PAQR5: variants seen among roughly 807,000 people sequenced by gnomAD.
The protein encoded by PAQR5 is progestin and adipoQ receptor family member 5, also known as membrane progestin receptor gamma.
Under a neutral mutation model 34.5 loss-of-function variants are expected in PAQR5, and 20 were observed. That is an observed-to-expected ratio of 0.58 (90% CI 0.41 to 0.84). The LOEUF is 0.84. Among genes scored for constraint, PAQR5 ranks in the 40% least tolerant of loss-of-function variants. The pLI is 0.00. For synonymous variants in PAQR5, 131 were observed against 155.6 expected (o/e 0.84, Z 1.18); for missense variants, 378 against 412.7 (o/e 0.92, Z 0.73).
intron 2 of PAQR5, among the ~76,000 whole-genome samples, chr15:69,348,572 G>A (rs1309391280): frequency 2.0e-5 from 3 of 152,158 alleles, no homozygotes. Context: ...GTTTGCATGT[G>A]TTAGTTGGGT....
At chr15:69,338,534 TA>T (rs984658474) in intron 2 of PAQR5, among the ~76,000 whole-genome samples, 2 of 152,182 alleles carry the variant, frequency 1.3e-5, no homozygotes, top group Non-Finnish European at 2.9e-5. Context: ...CTCAGACAGT[TA>T]GAAAGCGGTT....
At chr15:69,379,784 G>T in intron 3 of PAQR5, 99 bp from the exon 4 acceptor site, 2 of 1,443,426 alleles carry the variant, frequency 1.4e-6, no homozygotes, top group Non-Finnish European at 1.9e-6. Context: ...GGGGTCAAGC[G>T]TTCCAGGCAC....
chr15:69,380,908 C>T (rs2140919401), intron 4 of PAQR5, among the ~76,000 whole-genome samples: 2 of 152,274 alleles, frequency 1.3e-5, no homozygotes, highest in Middle Eastern at 3.4e-3. Flanking sequence ...AGGAGTGTGC[C>T]ATGAGTGGAG....
At chr15:69,372,118 T>C (rs2055578869) in intron 3 of PAQR5, among the ~76,000 whole-genome samples, 1 of 152,214 alleles carries the variant, frequency 6.6e-6, no homozygotes, top group African/African-American at 2.4e-5. Flanking sequence ...ATTGACAGCC[T>C]AATCAATTTT....
At chr15:69,322,826 A>AGAG (rs2054158138) in intron 1 of PAQR5, among the ~76,000 whole-genome samples, 1 of 144,782 alleles carries the variant, frequency 6.9e-6, no homozygotes, top group Non-Finnish European at 1.5e-5. Flanking sequence ...AAGAAGAAGA[A>AGAG]GAAGAAGAAG....
chr15:69,343,371 A>T (rs983642507), intron 2 of PAQR5, among the ~76,000 whole-genome samples: 4 of 152,188 alleles, frequency 2.6e-5, no homozygotes, highest in Admixed American at 2.6e-4. Context: ...CCCAGTGAAT[A>T]CTTATTTGGG....
At chr15:69,346,916 A>G (rs972079125) in intron 2 of PAQR5, among the ~76,000 whole-genome samples, 2 of 152,018 alleles carry the variant, frequency 1.3e-5, no homozygotes, top group Non-Finnish European at 2.9e-5. Context: ...TCCTGGATTC[A>G]AGCAATTCTC....
intron 6 of PAQR5, among the ~76,000 whole-genome samples, chr15:69,390,515 A>G (rs1255663507): frequency 6.6e-6 from 1 of 152,030 alleles, no homozygotes; most frequent in Non-Finnish European, 1.5e-5. Context: ...TTGATTCGGT[A>G]CAAGGCTTTA....
At chr15:69,305,078 A>ATTGAC in intron 1 of PAQR5, among the ~76,000 whole-genome samples, 1 of 152,222 alleles carries the variant, frequency 6.6e-6, no homozygotes, top group Admixed American at 6.5e-5. Context: ...CCTCAGCACT[A>ATTGAC]TTGACTTTCG....
chr15:69,309,014 A>C (rs2053775796), intron 1 of PAQR5, among the ~76,000 whole-genome samples: 1 of 152,156 alleles, frequency 6.6e-6, no homozygotes, highest in Non-Finnish European at 1.5e-5. Context: ...AAGCTGGTGA[A>C]TTACATTTGG....
Position 69,407,537 on chromosome 15 carries a change from G to A in PAQR5, c.*3715G>A, listed in dbSNP as rs1173905045. 1 of 152,134 alleles carries A rather than the reference G, an allele frequency of 6.6e-6. No individual in the cohort carries two copies. Among genetic ancestry groups the A allele is most frequent in the Non-Finnish European group, 1.5e-5 (1 of 68,028 alleles). The allele number at this position is 152,134 out of a possible 1,614,324, so 9.4% of individuals were successfully genotyped here. On this transcript the variant is annotated 3_prime_UTR_variant, in exon 9 of 9. Coordinates refer to ENST00000395407, the MANE Select transcript of PAQR5 (RefSeq NM_017705.4). ...ATTTTCTAGTCAACAATCCATTAAG[G>A]CAAAGACCTGTTTCCAAACTCAGAT...
At chr15:69,361,076 G>T (rs2055219216) in intron 3 of PAQR5, among the ~76,000 whole-genome samples, 1 of 152,190 alleles carries the variant, frequency 6.6e-6, no homozygotes, top group Non-Finnish European at 1.5e-5. Context: ...GAGGAATGTG[G>T]CAAGTAATAG....
At chr15:69,329,394 T>C (rs182390132) in intron 1 of PAQR5, among the ~76,000 whole-genome samples, 83 of 151,678 alleles carry the variant, frequency 5.5e-4, no homozygotes, top group African/African-American at 1.9e-3. Flanking sequence ...AGAATATAAA[T>C]GTATTGACAA....
At chr15:69,401,256 G>A (rs547232163) in intron 8 of PAQR5, among the ~76,000 whole-genome samples, 13 of 152,274 alleles carry the variant, frequency 8.5e-5, no homozygotes, top group East Asian at 5.8e-4. Context: ...GCCAGTCATT[G>A]TCCCCACCAG....
chr15:69,390,356 A>T (rs61217614), intron 6 of PAQR5, among the ~76,000 whole-genome samples: 52,752 of 131,538 alleles, frequency 0.4, 12,449 homozygotes, highest in Non-Finnish European at 0.52. Flanking sequence ...TTATTTATTT[A>T]TTTATTTTTT....
chr15:69,356,749 G>A (rs2055088993), intron 2 of PAQR5, among the ~76,000 whole-genome samples: 1 of 152,160 alleles, frequency 6.6e-6, no homozygotes, highest in African/African-American at 2.4e-5. Context: ...TTGTCCTTTT[G>A]TAAGTGGCTC....
rs890717987 is a variant in PAQR5 at position 69,385,746 on chromosome 15, A to G, written c.385+864A>G. The stretch of plus-strand genomic sequence containing the variant: ...TCTTTCTTCATATACACACGTTCAC[A>G]CTCACACAAACACACACTCATGCAC... On this transcript the variant is annotated intron_variant, in intron 5 of 8. Transcript: ENST00000395407. This position sits in a 1 kb window ranked among gnomAD's most constrained non-coding sequence, Gnocchi z 4.7. Among the ~76,000 whole-genome samples, 1 of 151,926 alleles carries G rather than the reference A, an allele frequency of 6.6e-6. No homozygotes were observed. The highest frequency in any genetic ancestry group is 1.5e-5 in the Non-Finnish European group (1 of 67,984).
chr15:69,346,052 T>C (rs2054760472), intron 2 of PAQR5, among the ~76,000 whole-genome samples: 1 of 152,196 alleles, frequency 6.6e-6, no homozygotes, highest in Admixed American at 6.5e-5. Flanking sequence ...GGCCCTTTTG[T>C]TTCATTCAAG....
intron 2 of PAQR5, among the ~76,000 whole-genome samples, chr15:69,352,522 C>G (rs990938142): frequency 6.6e-6 from 1 of 152,218 alleles, no homozygotes; most frequent in Non-Finnish European, 1.5e-5. Context: ...CCAGCCTGCA[C>G]CTATGGCCTC....
Sources: gnomAD v4.1 joint callset for allele counts (sites outside exome capture counted in the v4.1 genomes callset) on GRCh38, gnomAD v4.1.1 for gene constraint, Gnocchi (gnomAD v3.1) non-coding constraint, MANE v1.5 for transcripts, NCBI Gene and HGNC (gene_info 2026-07-23, HGNC 2026-07-21) for gene names.